OTUD7A: variants seen among roughly 807,000 people sequenced by gnomAD.
OTUD7A encodes the protein OTU deubiquitinase 7A.
In OTUD7A, 12 loss-of-function variants were observed where a neutral mutation model predicts 65.7. The observed-to-expected ratio is 0.18, with a 90% confidence interval of 0.12 to 0.30. The LOEUF (loss-of-function observed/expected upper bound fraction) is 0.30, where lower values mean the gene tolerates loss of function less well. Ranked by LOEUF, OTUD7A falls within the 10% of genes least tolerant of loss-of-function variation. The pLI, the probability that OTUD7A is intolerant of heterozygous loss-of-function variation, is 1.00. For missense variants in OTUD7A, 1,148 were observed against 1,304.8 expected (o/e 0.88, Z 1.85); for synonymous variants, 641 against 586.3 (o/e 1.09, Z -1.35).
chr15:31,705,159 TACTC>T (rs1270858414), intron 1 of OTUD7A, among the ~76,000 whole-genome samples: 1 of 129,622 alleles, frequency 7.7e-6, no homozygotes, highest in Non-Finnish European at 1.6e-5. Flanking sequence ...ACCCGGTACT[TACTC>T]TTTCCTTTTC....
In OTUD7A at chr15:31,558,911, G is replaced by A. The variant is rs750730390; in HGVS notation, c.550+58C>T. The A allele has an allele frequency of 4.5e-6, 7 of 1,568,570 alleles. No individual in the cohort carries two copies. The South Asian group carries it at 7.9e-5, about 18-fold the overall frequency. On this transcript the variant is annotated intron_variant, in intron 5 of 12. Coordinates refer to ENST00000307050, the MANE Select transcript of OTUD7A (RefSeq NM_001382637.1). ...TTCTCTTGCTCATAGAGTAGGTTAG[G>A]CCAGCTCACCATTCACCAAGCCTAA...
intron 3 of OTUD7A, among the ~76,000 whole-genome samples, chr15:31,644,783 A>G (rs941988084): frequency 1.3e-5 from 2 of 152,192 alleles, no homozygotes; most frequent in Non-Finnish European, 2.9e-5. Flanking sequence ...CTAGCCCTAG[A>G]AAAGTTTTCA....
intron 5 of OTUD7A, among the ~76,000 whole-genome samples, chr15:31,538,462 G>T (rs1887876456): frequency 6.6e-6 from 1 of 152,248 alleles, no homozygotes; most frequent in South Asian, 2.1e-4. Context: ...TGTGTCAGGG[G>T]ATGTTATTCC....
At chr15:31,772,084 C>G (rs1424478701) in intron 1 of OTUD7A, among the ~76,000 whole-genome samples, 2 of 151,232 alleles carry the variant, frequency 1.3e-5, no homozygotes, top group Non-Finnish European at 2.9e-5. Flanking sequence ...AACCCCGTCT[C>G]TACTAAAAAT....
At chr15:31,702,685 T>A (rs1893240006) in intron 1 of OTUD7A, among the ~76,000 whole-genome samples, 1 of 152,076 alleles carries the variant, frequency 6.6e-6, no homozygotes, top group South Asian at 2.1e-4. Context: ...CCCAAATTGA[T>A]GTATAAATTG....
At chr15:31,539,045 G>A (rs1358278261) in intron 5 of OTUD7A, among the ~76,000 whole-genome samples, 5 of 152,156 alleles carry the variant, frequency 3.3e-5, no homozygotes, top group South Asian at 2.1e-4. Context: ...CTGGGGAGGC[G>A]CTGGCTTGGC....
chr15:31,539,572 T>G (rs1247534506), intron 5 of OTUD7A, among the ~76,000 whole-genome samples: 1 of 152,178 alleles, frequency 6.6e-6, no homozygotes, highest in East Asian at 1.9e-4. Flanking sequence ...AAAGTTGGGT[T>G]TTTTGGAATG....
chr15:31,640,278 T>TA (rs887268094), intron 3 of OTUD7A, among the ~76,000 whole-genome samples: 4 of 152,236 alleles, frequency 2.6e-5, no homozygotes, highest in African/African-American at 9.6e-5. Flanking sequence ...GACTCAGGGA[T>TA]AAAAGACTAC....
At chr15:31,562,406 C>T (rs1206316056) in intron 4 of OTUD7A, among the ~76,000 whole-genome samples, 1 of 152,188 alleles carries the variant, frequency 6.6e-6, no homozygotes, top group Non-Finnish European at 1.5e-5. Context: ...TACCTGGTGC[C>T]TCTGAGCTGG....
At chr15:31,708,267 C>T in intron 1 of OTUD7A, among the ~76,000 whole-genome samples, 1 of 152,300 alleles carries the variant, frequency 6.6e-6, no homozygotes, top group African/African-American at 2.4e-5. Context: ...GCACTTCATA[C>T]ATTAATGGTG....
rs74012504 is a variant in OTUD7A at position 31,525,547 on chromosome 15, G to C, written c.893+802C>G. On this transcript the variant is annotated intron_variant, in intron 8 of 12. Coordinates refer to ENST00000307050, the MANE Select transcript of OTUD7A (RefSeq NM_001382637.1). Reference sequence around the variant, plus strand: ...TGAGGACCCAGTTGCCCGCTGCAGGGCCCATGAGCCTGAGGGCAGCCTGGA... The same window carrying C: ...TGAGGACCCAGTTGCCCGCTGCAGGCCCCATGAGCCTGAGGGCAGCCTGGA... 8.6e-3 allele frequency among the ~76,000 whole-genome samples: 1,316 copies of C among 152,332 alleles called. 18 individuals are homozygous for C. The highest frequency in any genetic ancestry group is 0.03 in the African/African-American group (1,233 of 41,578).
chr15:31,772,637 C>T (rs999618070), intron 1 of OTUD7A, among the ~76,000 whole-genome samples: 7 of 152,136 alleles, frequency 4.6e-5, no homozygotes, highest in Admixed American at 3.3e-4. Flanking sequence ...ATTTGAAAGC[C>T]CCCCAGCTGA....
chr15:31,693,402 A>G (rs147688419), intron 1 of OTUD7A, among the ~76,000 whole-genome samples: 16 of 152,282 alleles, frequency 1.1e-4, no homozygotes, highest in Non-Finnish European at 1.6e-4. Flanking sequence ...ATCCACAACA[A>G]AACAAAAGGG....
At chr15:31,849,420 T>A (rs12437764) in intron 1 of OTUD7A, among the ~76,000 whole-genome samples, 15,143 of 152,268 alleles carry the variant, frequency 0.099, 1,236 homozygotes, top group East Asian at 0.47. Context: ...GATTAAAGAC[T>A]TAAATGTTAG....
At chr15:31,870,359 C>G (rs1269666735) in intron 1 of OTUD7A, 148 bp downstream of exon 1, 1 of 146,882 alleles carries the variant, frequency 6.8e-6, no homozygotes, top group Non-Finnish European at 1.5e-5. Flanking sequence ...GCCCCGGCCC[C>G]GCGGTCGCCC....
chr15:31,638,652 C>T (rs543433037), intron 3 of OTUD7A, among the ~76,000 whole-genome samples: 1 of 151,920 alleles, frequency 6.6e-6, no homozygotes, highest in East Asian at 1.9e-4. Context: ...CTCCTTGGCT[C>T]TCAAAGTGCT....
At chr15:31,663,871 T>C (rs1226960194) in intron 1 of OTUD7A, among the ~76,000 whole-genome samples, 1 of 152,118 alleles carries the variant, frequency 6.6e-6, no homozygotes, top group Admixed American at 6.5e-5. Context: ...ATCATTCTTA[T>C]GCCTTTGCGT....
intron 10 of OTUD7A, among the ~76,000 whole-genome samples, chr15:31,493,862 AG>A: frequency 6.6e-6 from 1 of 152,364 alleles, no homozygotes; most frequent in African/African-American, 2.4e-5. Context: ...AGCAGTACTT[AG>A]GGGAAAAGTT....
At chr15:31,724,555 G>C (rs938089854) in intron 1 of OTUD7A, among the ~76,000 whole-genome samples, 47 of 152,312 alleles carry the variant, frequency 3.1e-4, no homozygotes, top group African/African-American at 1.0e-3. Context: ...AAGGAGATAG[G>C]AATGGGTGAT....
Sources: allele counts gnomAD v4.1 joint callset (sites outside exome capture counted in the v4.1 genomes callset), GRCh38; gene constraint gnomAD v4.1.1; transcripts MANE v1.5; gene names NCBI Gene and HGNC (gene_info 2026-07-23, HGNC 2026-07-21).